The following FFAR4 variants were observed in gnomAD, a reference collection of about 807,000 sequenced individuals.
The protein encoded by FFAR4 is free fatty acid receptor 4.
A neutral mutation model predicts 27.0 loss-of-function variants in FFAR4; 19 were observed. That is an observed-to-expected ratio of 0.70 (90% CI 0.49 to 1.03). FFAR4 has a LOEUF of 1.03. Among genes scored for constraint, FFAR4 ranks in the 50% least tolerant of loss-of-function variants. The pLI, the probability that FFAR4 is intolerant of heterozygous loss-of-function variation, is 0.00. For missense variants in FFAR4, 476 were observed against 479.0 expected, an observed-to-expected ratio of 0.99 and a Z score of 0.06; for synonymous variants, 254 against 215.6, an observed-to-expected ratio of 1.18 and a Z score of -1.56.
At position 93,581,534 on chromosome 10, in the gene FFAR4, G is replaced by A. The variant is rs75727443; in HGVS notation, c.696+5315G>A. ...TTGGCAGCAGCGGTCTGCTGGCATG[G>A]GGTGGCAGAAGGGTGTGAGGTAGGG... On this transcript the variant is annotated intron_variant, in intron 2 of 2. Coordinates refer to ENST00000371481, the MANE Select transcript of FFAR4 (RefSeq NM_001195755.2). Among the ~76,000 whole-genome samples the A allele has an allele frequency of 5.0e-3, 765 of 152,288 alleles. 8 individuals are homozygous for A. Among genetic ancestry groups the A allele is most frequent in the East Asian group, 0.043 (221 of 5,174 alleles).
rs535181759 is a variant in FFAR4, at chr10:93,578,069, A to G, written c.696+1850A>G. On this transcript the variant is annotated intron_variant, in intron 2 of 2. Coordinates refer to ENST00000371481, the MANE Select transcript of FFAR4 (RefSeq NM_001195755.2). ...GGAATGATACTGAGACTTTGCAAACACTTTGCAAACTGTTAAATGCTACAC... is the reference window on the plus strand; with the variant it reads ...GGAATGATACTGAGACTTTGCAAACGCTTTGCAAACTGTTAAATGCTACAC... 1.1e-4 allele frequency among the ~76,000 whole-genome samples: 16 copies of G among 152,248 alleles called. No individual in the cohort carries two copies. The East Asian group carries it at 3.1e-3, about 29-fold the overall frequency.
At chr10:93,580,022 A>C (rs1013937606) in intron 2 of FFAR4, among the ~76,000 whole-genome samples, 1 of 152,208 alleles carries the variant, frequency 6.6e-6, no homozygotes, top group African/African-American at 2.4e-5. Flanking sequence ...ACTGTTGCCC[A>C]TTTCCCAGGA....
chr10:93,568,804 A>G (rs554841341), intron 1 of FFAR4, among the ~76,000 whole-genome samples: 3 of 152,200 alleles, frequency 2.0e-5, no homozygotes, highest in Non-Finnish European at 4.4e-5. Context: ...TGTGGAATAC[A>G]TTGTGGGGTG....
At chr10:93,581,377 A>C (rs2058196341) in intron 2 of FFAR4, among the ~76,000 whole-genome samples, 1 of 152,178 alleles carries the variant, frequency 6.6e-6, no homozygotes, top group Admixed American at 6.5e-5. Context: ...ATCTCTGGAA[A>C]GATGGAATTT....
chr10:93,582,588 T>G (rs2134553792), intron 2 of FFAR4, among the ~76,000 whole-genome samples: 1 of 149,182 alleles, frequency 6.7e-6, no homozygotes, highest in Admixed American at 6.7e-5. Flanking sequence ...AAGCACTTGG[T>G]CCATGAGTGA....
At chr10:93,568,023 A>G (rs969131262) in intron 1 of FFAR4, among the ~76,000 whole-genome samples, 2 of 152,152 alleles carry the variant, frequency 1.3e-5, no homozygotes, top group African/African-American at 2.4e-5. Context: ...TAGCGGGTCA[A>G]TAGTTGTCAT....
At chr10:93,582,470 G>A (rs1251961290) in intron 2 of FFAR4, among the ~76,000 whole-genome samples, 1 of 147,896 alleles carries the variant, frequency 6.8e-6, no homozygotes, top group Non-Finnish European at 1.5e-5. Flanking sequence ...CTTAAACCTG[G>A]GAGGTGGAGG....
At chr10:93,582,334 C>T (rs548207609) in intron 2 of FFAR4, among the ~76,000 whole-genome samples, 8 of 152,054 alleles carry the variant, frequency 5.3e-5, no homozygotes, top group East Asian at 3.9e-4. Flanking sequence ...CACCTGAGGT[C>T]GGGAGGTCAA....
rs1734988460 is a variant in FFAR4 at position 93,589,555 on chromosome 10, TTGGA to T, written c.*1950_*1953del. On this transcript the variant is annotated 3_prime_UTR_variant, in exon 3 of 3. Coordinates refer to ENST00000371481, the MANE Select transcript of FFAR4 (RefSeq NM_001195755.2). Reference sequence around the variant, plus strand: ...CTCTGATTTTTTAGCCTGTCATTGGTTGGATGGTGAAGCAGGCAACAAAAATGGG... The same window carrying T: ...CTCTGATTTTTTAGCCTGTCATTGGTTGGTGAAGCAGGCAACAAAAATGGG... 1 of 140,974 alleles carries T rather than the reference TTGGA, an allele frequency of 7.1e-6. No homozygotes were observed. Among genetic ancestry groups the T allele is most frequent in the Non-Finnish European group, 1.5e-5 (1 of 65,646 alleles). 8.7% of individuals were successfully genotyped at this position (140,974 alleles called of 1,614,324 possible). A position where few individuals can be genotyped will look rare whatever the true frequency, so the allele number is the denominator to read the frequency against.
chr10:93,585,751 G>A (rs569379628), intron 2 of FFAR4, among the ~76,000 whole-genome samples: 1 of 152,332 alleles, frequency 6.6e-6, no homozygotes, highest in East Asian at 1.9e-4. Context: ...CCCTGTTGAT[G>A]AGGGGATCAT....
At chr10:93,584,221 GC>G (rs2058214985) in intron 2 of FFAR4, among the ~76,000 whole-genome samples, 1 of 144,270 alleles carries the variant, frequency 6.9e-6, no homozygotes, top group Non-Finnish European at 1.5e-5. Context: ...TGGCGTTTGA[GC>G]CCGAGGTGGT....
rs1189253167 is a variant in FFAR4, at chr10:93,567,144, C to T, written c.424C>T (p.His142Tyr). ...VSLERMVCIV[H>Y]LQRGVRGPGR... ...CCTGGAGCGCATGGTGTGCATCGTG[C>T]ACCTGCAGCGCGGCGTGCGGGGTCC... The change falls in exon 1 of 3, where the codon CAC becomes TAC. Residue 142 changes from histidine to tyrosine, a missense_variant. By Grantham distance (83) the His-to-Tyr change is moderately conservative. Transcript: ENST00000371481. The T allele has an allele frequency of 6.2e-7, 1 of 1,606,536 alleles. No homozygotes were observed. The highest frequency in any genetic ancestry group is 1.1e-5 in the South Asian group (1 of 90,700).
At chr10:93,578,018 G>T (rs112473274) in intron 2 of FFAR4, among the ~76,000 whole-genome samples, 2,011 of 152,242 alleles carry the variant, frequency 0.013, 47 homozygotes, top group African/African-American at 0.046. Flanking sequence ...TGCTGATATC[G>T]AAAGGAGAGA....
At chr10:93,570,094 G>A (rs796837614) in intron 1 of FFAR4, among the ~76,000 whole-genome samples, 17 of 151,238 alleles carry the variant, frequency 1.1e-4, no homozygotes, top group African/African-American at 3.4e-4. Flanking sequence ...AAAAAAAATG[G>A]GACAATCCTT....
At chr10:93,578,435 A>C (rs973962479) in intron 2 of FFAR4, among the ~76,000 whole-genome samples, 7 of 150,906 alleles carry the variant, frequency 4.6e-5, no homozygotes, top group African/African-American at 1.7e-4. Context: ...AAAAAAAAAA[A>C]AAAAAACGAG....
intron 1 of FFAR4, among the ~76,000 whole-genome samples, chr10:93,570,188 T>TCACACACACA (rs76165485): frequency 2.7e-5 from 4 of 148,660 alleles, no homozygotes; most frequent in African/African-American, 9.9e-5. Flanking sequence ...TCTGTCTCTC[T>TCACACACACA]CACACACACA....
rs1200015324 is a variant in FFAR4 at position 93,579,084 on chromosome 10, C to T, written c.696+2865C>T. 4 of 1,357,008 alleles carry T rather than the reference C, an allele frequency of 2.9e-6. No homozygotes were observed. In the African/African-American group the frequency reaches 4.3e-5, roughly 15 times the overall value. 84.1% of individuals were successfully genotyped at this position (1,357,008 alleles called of 1,614,324 possible). On this transcript the variant is annotated intron_variant, in intron 2 of 2. Coordinates refer to ENST00000371481, the MANE Select transcript of FFAR4 (RefSeq NM_001195755.2). ...GGGCAGCTGTCCTTTTAGCCACCCA[C>T]CTCTAAACAGCAGTTTACTCTCGAA...
At position 93,587,295 on chromosome 10, in the gene FFAR4, C is replaced by G; in HGVS notation, c.772C>G (p.Gln258Glu). The change falls in exon 3 of 3, where the codon CAG becomes GAG. Residue 258 changes from glutamine to glutamate, a missense_variant. Transcript: ENST00000371481. ...SESHQIRVSQ[Q>E]DFRLFRTLFL... ...GAGCCACCAGATCCGCGTGTCCCAG[C>G]AGGACTTCCGGCTCTTCCGCACCCT... 6.2e-7 allele frequency: 1 copy of G among 1,614,128 alleles called. No individual in the cohort carries two copies. The highest frequency in any genetic ancestry group is 1.1e-5 in the South Asian group (1 of 91,086).
At position 93,587,295 on chromosome 10, in the gene FFAR4, C is replaced by A; in HGVS notation, c.772C>A (p.Gln258Lys). Reference protein sequence around the residue: ...SESHQIRVSQQDFRLFRTLFL... With the variant: ...SESHQIRVSQKDFRLFRTLFL... ...GAGCCACCAGATCCGCGTGTCCCAG[C>A]AGGACTTCCGGCTCTTCCGCACCCT... is the stretch of plus-strand genomic sequence containing the variant. The change falls in exon 3 of 3, where the codon CAG becomes AAG. Residue 258 changes from glutamine (Q) to lysine (K), a missense_variant. Coordinates refer to ENST00000371481, the MANE Select transcript of FFAR4 (RefSeq NM_001195755.2). The A allele has an allele frequency of 6.2e-7, 1 of 1,614,128 alleles. No homozygotes were observed. The highest frequency in any genetic ancestry group is 8.5e-7 in the Non-Finnish European group (1 of 1,179,968).
Sources: allele counts gnomAD v4.1 joint callset (sites outside exome capture counted in the v4.1 genomes callset), GRCh38; gene constraint gnomAD v4.1.1; transcripts MANE v1.5; gene names NCBI Gene and HGNC (gene_info 2026-07-23, HGNC 2026-07-21).